The following ZMYM5 variants were observed in gnomAD, a reference collection of about 807,000 sequenced individuals.
ZMYM5 encodes the protein zinc finger MYM-type protein 5.
A neutral mutation model predicts 61.8 loss-of-function variants in ZMYM5; 41 were observed. The observed-to-expected ratio is 0.66, with a 90% CI of 0.52 to 0.86. The LOEUF (loss-of-function observed/expected upper bound fraction) is 0.86. ZMYM5 is among the 40% of genes least tolerant of loss of function. The pLI, the probability that ZMYM5 is intolerant of heterozygous loss-of-function variation, is 0.00. For missense variants in ZMYM5, 706 were observed against 786.7 expected (o/e 0.90, Z 1.23); for synonymous variants, 257 against 276.4 (o/e 0.93, Z 0.70).
intron 2 of ZMYM5, among the ~76,000 whole-genome samples, chr13:19,860,280 C>A (rs1055048687): frequency 1.3e-5 from 2 of 149,686 alleles, no homozygotes; most frequent in Admixed American, 6.7e-5. Flanking sequence ...CACCCACCAG[C>A]ACACCCGTTT....
At chr13:19,834,213 G>C (rs1458573458) in intron 7 of ZMYM5, among the ~76,000 whole-genome samples, 1 of 152,104 alleles carries the variant, frequency 6.6e-6, no homozygotes, top group Non-Finnish European at 1.5e-5. Context: ...CCTGACCTTA[G>C]GTGATCCATC....
At chr13:19,825,950 C>T (rs1449526715) in intron 7 of ZMYM5, among the ~76,000 whole-genome samples, 1 of 149,816 alleles carries the variant, frequency 6.7e-6, no homozygotes, top group South Asian at 2.1e-4. Flanking sequence ...GATTGAGACA[C>T]AAGAGACCTC....
chr13:19,843,881 T>C (rs1952981234), intron 4 of ZMYM5, among the ~76,000 whole-genome samples: 1 of 147,184 alleles, frequency 6.8e-6, no homozygotes, highest in Non-Finnish European at 1.5e-5. Context: ...ACGCCTGTAA[T>C]CCCAGCACTT....
At chr13:19,829,102 T>G (rs1220997169) in intron 7 of ZMYM5, among the ~76,000 whole-genome samples, 1 of 151,824 alleles carries the variant, frequency 6.6e-6, no homozygotes, top group East Asian at 1.9e-4. Context: ...AGACCCTGTC[T>G]CCAACAAACA....
At chr13:19,836,583 A>T (rs535227805) in intron 6 of ZMYM5, among the ~76,000 whole-genome samples, 4 of 152,286 alleles carry the variant, frequency 2.6e-5, no homozygotes, top group African/African-American at 9.6e-5. Context: ...AGTTGGGATT[A>T]TATGTATGAG....
In ZMYM5 at chr13:19,838,741, A is replaced by G; in HGVS notation, c.831T>C (p.Ser277=). 1 of 1,614,224 alleles carries G rather than the reference A, an allele frequency of 6.2e-7. No individual in the cohort carries two copies. Among genetic ancestry groups the G allele is most frequent in the East Asian group, 2.2e-5 (1 of 44,888 alleles). ...TTCGTGTGTTTTGAGTACGTTTATG[A>G]GAGAAGGAAGAAAGGCAGGTGGTAG... ...FCSTTCLSSF[S]HKRTQNTRSI... The change falls in exon 5 of 8, where the codon TCT becomes TCC. Residue 277 remains serine (S), a synonymous_variant. Coordinates refer to ENST00000337963, the MANE Select transcript of ZMYM5 (RefSeq NM_001142684.2).
At chr13:19,841,637 A>G (rs1952881789) in intron 4 of ZMYM5, among the ~76,000 whole-genome samples, 1 of 152,138 alleles carries the variant, frequency 6.6e-6, no homozygotes, top group Non-Finnish European at 1.5e-5. Context: ...TTTATAATGC[A>G]ACAAAAATAC....
chr13:19,825,369 G>T (rs924643974), intron 7 of ZMYM5, 134 bp from the exon 8 acceptor site: 1 of 876,872 alleles, frequency 1.1e-6, no homozygotes. Flanking sequence ...CGACGGTCGG[G>T]TGCGGTGGTT....
chr13:19,840,716 G>A (rs918414598), intron 4 of ZMYM5, among the ~76,000 whole-genome samples: 2 of 150,696 alleles, frequency 1.3e-5, no homozygotes, highest in African/African-American at 2.4e-5. Flanking sequence ...TCGCTCTGTC[G>A]CCCAGGCTGG....
intron 4 of ZMYM5, among the ~76,000 whole-genome samples, chr13:19,848,827 G>A (rs1953178580): frequency 1.3e-5 from 2 of 151,712 alleles, no homozygotes; most frequent in South Asian, 4.2e-4. Flanking sequence ...AAGCCACCAT[G>A]CCCAGCCCCA....
chr13:19,854,623 G>T (rs1251084153), intron 2 of ZMYM5, among the ~76,000 whole-genome samples: 1 of 61,288 alleles, frequency 1.6e-5, no homozygotes. Flanking sequence ...ATAAGACTTC[G>T]TCTCAAAAAA....
intron 2 of ZMYM5, among the ~76,000 whole-genome samples, chr13:19,859,965 G>A (rs1301550559): frequency 3.3e-5 from 5 of 149,448 alleles, no homozygotes; most frequent in South Asian, 2.1e-4. Flanking sequence ...ATTAGCCAAC[G>A]TGGTGGCATG....
At chr13:19,837,860 G>A (rs773859450) in intron 5 of ZMYM5, 39 bp from the exon 6 acceptor site, 1 of 1,554,630 alleles carries the variant, frequency 6.4e-7, no homozygotes, top group South Asian at 1.2e-5. Context: ...TAAGAACACT[G>A]AATTTTAATA....
chr13:19,834,375 C>T (rs1952614241), intron 7 of ZMYM5, among the ~76,000 whole-genome samples: 1 of 151,884 alleles, frequency 6.6e-6, no homozygotes, highest in Non-Finnish European at 1.5e-5. Flanking sequence ...CCAAGGACTC[C>T]TACAACTCAG....
chr13:19,851,007 G>A (rs1368751393), intron 4 of ZMYM5, among the ~76,000 whole-genome samples: 1 of 152,106 alleles, frequency 6.6e-6, no homozygotes. Flanking sequence ...TTAGGAGTTC[G>A]AGATCAGCTT....
chr13:19,830,314 T>A (rs1376101669), intron 7 of ZMYM5, among the ~76,000 whole-genome samples: 3 of 152,182 alleles, frequency 2.0e-5, no homozygotes, highest in Non-Finnish European at 2.9e-5. Context: ...GGAAGCACAT[T>A]TATAAAATGT....
chr13:19,835,691 T>G lies in ZMYM5; in HGVS notation c.1039-2A>C. 2 of 1,366,552 alleles carry G rather than the reference T, an allele frequency of 1.5e-6. No individual in the cohort carries two copies. The highest frequency in any genetic ancestry group is 2.0e-6 in the Non-Finnish European group (2 of 1,021,416). 84.7% of individuals were successfully genotyped at this position (1,366,552 alleles called of 1,614,324 possible). A position where few individuals can be genotyped will look rare whatever the true frequency, so the allele number is the denominator to read the frequency against. ...ATTTACGCTGACTTCATGGCGAATCTAAAAGAAAAACCAGAATTCATTAAC... is the reference window on the plus strand; with the variant it reads ...ATTTACGCTGACTTCATGGCGAATCGAAAAGAAAAACCAGAATTCATTAAC... On this transcript the variant is annotated splice_acceptor_variant, in intron 6 of 7. Coordinates refer to ENST00000337963, the MANE Select transcript of ZMYM5 (RefSeq NM_001142684.2). LOFTEE classifies it high-confidence loss of function.
intron 4 of ZMYM5, among the ~76,000 whole-genome samples, chr13:19,846,489 T>C (rs1338484689): frequency 1.3e-5 from 2 of 151,668 alleles, no homozygotes; most frequent in Non-Finnish European, 2.9e-5. Flanking sequence ...AAGTGAAAAA[T>C]CAGAATTTTT....
intron 7 of ZMYM5, among the ~76,000 whole-genome samples, chr13:19,832,342 G>A (rs1023335847): frequency 9.3e-5 from 14 of 150,806 alleles, no homozygotes; most frequent in Non-Finnish European, 1.9e-4. Context: ...TGTTGTTGTT[G>A]TTGAGACAGA....
Sources: allele counts gnomAD v4.1 joint callset (sites outside exome capture counted in the v4.1 genomes callset), GRCh38; gene constraint gnomAD v4.1.1; transcripts MANE v1.5; gene names NCBI Gene and HGNC (gene_info 2026-07-23, HGNC 2026-07-21).